The following ZMYND8 variants were observed in gnomAD, a reference collection of about 807,000 sequenced individuals.
ZMYND8 encodes MYND-type zinc finger-containing chromatin reader ZMYND8.
Under a neutral mutation model 140.8 loss-of-function variants are expected in ZMYND8, and 37 were observed. That is an observed-to-expected ratio of 0.26 (90% CI 0.20 to 0.35). ZMYND8 has a LOEUF of 0.35. ZMYND8 is among the 10% of genes least tolerant of loss of function. The probability of loss-of-function intolerance (pLI) is 1.00; values close to 1 mark genes in which losing one functional copy is unlikely to be tolerated. For synonymous variants in ZMYND8, 592 were observed against 597.1 expected, an observed-to-expected ratio of 0.99 and a Z score of 0.12; for missense variants, 1,068 against 1,570.0, an observed-to-expected ratio of 0.68 and a Z score of 5.40.
At chr20:47,290,380 A>C in intron 6 of ZMYND8, 106 bp from the exon 7 acceptor site, 1 of 892,054 alleles carries the variant, frequency 1.1e-6, no homozygotes, top group Non-Finnish European at 1.7e-6. Context: ...TGCCAAATCA[A>C]TTAGTGTTCT....
chr20:47,229,086 C>T (rs1001585642), intron 17 of ZMYND8, among the ~76,000 whole-genome samples: 6 of 151,748 alleles, frequency 4.0e-5, no homozygotes, highest in Non-Finnish European at 8.8e-5. Flanking sequence ...GCCTCAAACT[C>T]CTGGGCTCAG....
chr20:47,333,944 A>G (rs2081182912), intron 2 of ZMYND8, among the ~76,000 whole-genome samples: 1 of 151,798 alleles, frequency 6.6e-6, no homozygotes, highest in Non-Finnish European at 1.5e-5. Context: ...AAGAAAGGGA[A>G]GGAGGGAGGA....
At chr20:47,255,677 A>G (rs145371325) in intron 12 of ZMYND8, among the ~76,000 whole-genome samples, 2,402 of 100,802 alleles carry the variant, frequency 0.024, 124 homozygotes, top group African/African-American at 0.065. Flanking sequence ...TATATGGTGT[A>G]TGTGTGTGTG....
At chr20:47,221,666 AT>A (rs2036973893) in intron 19 of ZMYND8, among the ~76,000 whole-genome samples, 192 bp from the exon 20 acceptor site, 2 of 152,216 alleles carry the variant, frequency 1.3e-5, no homozygotes, top group South Asian at 4.1e-4. Flanking sequence ...AGAATTCCAA[AT>A]TTTAACATAA....
intron 22 of ZMYND8, among the ~76,000 whole-genome samples, chr20:47,211,856 C>T (rs185780594): frequency 1.3e-5 from 2 of 151,890 alleles, no homozygotes; most frequent in East Asian, 1.9e-4. Context: ...TTTCTTACTG[C>T]CTGGTAAAAA....
At position 47,251,698 on chromosome 20, in the gene ZMYND8, A is replaced by T. The variant is rs957180001; in HGVS notation, c.1622-2259T>A. Among the ~76,000 whole-genome samples, 5 of 152,296 alleles carry T rather than the reference A, an allele frequency of 3.3e-5. No individual in the cohort carries two copies. In the East Asian group the frequency reaches 7.7e-4, roughly 24 times the overall value. On this transcript the variant is annotated intron_variant, in intron 12 of 22. Transcript: ENST00000471951. The stretch of plus-strand genomic sequence containing the variant: ...AGAAATTATAGGGTAAAATAATTTT[A>T]AAAATAAGGAATGGGGAACACTAAA...
chr20:47,333,724 C>CAAAAAAAAAAAA (rs57968979), intron 2 of ZMYND8, among the ~76,000 whole-genome samples: 2 of 29,744 alleles, frequency 6.7e-5, no homozygotes, highest in African/African-American at 1.1e-4. Flanking sequence ...GACTCCGTCT[C>CAAAAAAAAAAAA]AAAAAAAAAA....
At chr20:47,350,507 T>C (rs1016778675) in intron 1 of ZMYND8, among the ~76,000 whole-genome samples, 1 of 150,880 alleles carries the variant, frequency 6.6e-6, no homozygotes, top group Non-Finnish European at 1.5e-5. Flanking sequence ...AGTATGTTAT[T>C]AGGAAAAAAA....
At chr20:47,346,437 G>A (rs542958237) in intron 2 of ZMYND8, among the ~76,000 whole-genome samples, 6 of 152,102 alleles carry the variant, frequency 3.9e-5, no homozygotes, top group South Asian at 2.1e-4. Flanking sequence ...CTCTGCCTCC[G>A]CCCAGCCTCC....
intron 4 of ZMYND8, among the ~76,000 whole-genome samples, chr20:47,295,573 T>C (rs900441241): frequency 1.3e-5 from 2 of 152,238 alleles, no homozygotes; most frequent in African/African-American, 4.8e-5. Context: ...CAGACTTCCC[T>C]GCAGAAAGAT....
At chr20:47,338,023 C>G (rs2081523254) in intron 2 of ZMYND8, among the ~76,000 whole-genome samples, 2 of 151,948 alleles carry the variant, frequency 1.3e-5, no homozygotes, top group Non-Finnish European at 2.9e-5. Context: ...TTCTAAGTTT[C>G]CCAAGAAGAG....
chr20:47,290,982 C>A (rs557150214), intron 6 of ZMYND8, among the ~76,000 whole-genome samples: 1 of 152,104 alleles, frequency 6.6e-6, no homozygotes, highest in Non-Finnish European at 1.5e-5. Flanking sequence ...TACTTATTAT[C>A]ATACCCATTT....
In ZMYND8 at chr20:47,298,184, A is replaced by G. The variant is rs2077766667; in HGVS notation, c.453+545T>C. 7.1e-6 allele frequency: 3 copies of G among 420,584 alleles called. No homozygotes were observed. Among genetic ancestry groups the G allele is most frequent in the South Asian group, 1.0e-4 (1 of 9,952 alleles). 26.1% of individuals were successfully genotyped at this position (420,584 alleles called of 1,614,324 possible). A position where few individuals can be genotyped will look rare whatever the true frequency, so the allele number is the denominator to read the frequency against. ...TTTGGTTTTTGTCCTTTTCTGCTGGAAAAAAAAAAATGATCCATGCCTGTT... is the reference window on the plus strand; with the variant it reads ...TTTGGTTTTTGTCCTTTTCTGCTGGGAAAAAAAAAATGATCCATGCCTGTT... On this transcript the variant is annotated intron_variant, in intron 4 of 22. Coordinates refer to ENST00000471951, the MANE Select transcript of ZMYND8 (RefSeq NM_001281775.3). The surrounding 1 kb of genome is among the most constrained non-coding windows in gnomAD (Gnocchi z 5.0).
intron 11 of ZMYND8, among the ~76,000 whole-genome samples, chr20:47,270,697 GA>G (rs34474269): frequency 0.24 from 20,601 of 86,080 alleles, 1,982 homozygotes; most frequent in African/African-American, 0.38. Flanking sequence ...CCCTGTCTCT[GA>G]AAAAAAAAAA....
At chr20:47,232,865 C>T (rs2038698003) in intron 16 of ZMYND8, among the ~76,000 whole-genome samples, 1 of 151,506 alleles carries the variant, frequency 6.6e-6, no homozygotes, top group Non-Finnish European at 1.5e-5. Flanking sequence ...GCCTTTAACA[C>T]TTTCATGACA....
At chr20:47,309,849 T>C (rs2078787003) in intron 3 of ZMYND8, among the ~76,000 whole-genome samples, 1 of 152,092 alleles carries the variant, frequency 6.6e-6, no homozygotes, top group African/African-American at 2.4e-5. Flanking sequence ...GTCCCTGCTC[T>C]GTCCCCGAAA....
At chr20:47,338,068 A>AG (rs1030711191) in intron 2 of ZMYND8, among the ~76,000 whole-genome samples, 5 of 152,068 alleles carry the variant, frequency 3.3e-5, no homozygotes, top group African/African-American at 1.2e-4. Flanking sequence ...GTGCAAGTAG[A>AG]GAAAAACACG....
intron 16 of ZMYND8, among the ~76,000 whole-genome samples, chr20:47,231,296 G>A (rs6094633): frequency 7.4e-4 from 113 of 152,310 alleles, no homozygotes; most frequent in African/African-American, 2.7e-3. Flanking sequence ...CTGGTGCTGA[G>A]TCTCTCCAGT....
rs553006586 is a variant in ZMYND8 at position 47,224,122 on chromosome 20, G to A, written c.3256+195C>T. Among the ~76,000 whole-genome samples, 143 of 152,368 alleles carry A rather than the reference G, an allele frequency of 9.4e-4. No individual in the cohort carries two copies. In the Middle Eastern group the frequency reaches 0.01, roughly 11 times the overall value. Reference sequence around the variant, plus strand: ...TCTGCAAAGATCAAAGGTTCAAAATGCCCATGGCTCAAGTTTTAGCTATGT... The same window carrying A: ...TCTGCAAAGATCAAAGGTTCAAAATACCCATGGCTCAAGTTTTAGCTATGT... On this transcript the variant is annotated intron_variant, in intron 19 of 22. Coordinates refer to ENST00000471951, the MANE Select transcript of ZMYND8 (RefSeq NM_001281775.3).
Sources: allele counts gnomAD v4.1 joint callset (sites outside exome capture counted in the v4.1 genomes callset), GRCh38; gene constraint gnomAD v4.1.1; non-coding constraint Gnocchi (gnomAD v3.1); transcripts MANE v1.5; gene names NCBI Gene and HGNC (gene_info 2026-07-23, HGNC 2026-07-21).